DYM: variants seen among roughly 807,000 people sequenced by gnomAD.
DYM encodes dymeclin.
A neutral mutation model predicts 93.1 loss-of-function variants in DYM; 78 were observed. The observed-to-expected ratio is 0.84, with a 90% CI of 0.70 to 1.01. DYM has a LOEUF of 1.01. Among genes scored for constraint, DYM ranks in the 50% least tolerant of loss-of-function variants. DYM has a pLI of 0.00. For missense variants in DYM, 789 were observed against 845.0 expected, an observed-to-expected ratio of 0.93 and a Z score of 0.82; for synonymous variants, 321 against 319.7, an observed-to-expected ratio of 1.00 and a Z score of -0.04.
chr18:49,080,509 A>G (rs1394178847), intron 17 of DYM, among the ~76,000 whole-genome samples: 22 of 122,378 alleles, frequency 1.8e-4, no homozygotes, highest in East Asian at 2.6e-4. Flanking sequence ...GGCCGGGCAG[A>G]GGGGCTCCTC....
At chr18:49,164,142 C>T (rs188891723) in intron 14 of DYM, among the ~76,000 whole-genome samples, 76 of 152,246 alleles carry the variant, frequency 5.0e-4, no homozygotes, top group African/African-American at 1.7e-3. Context: ...GTCACTTGAG[C>T]TTGTGTATTT....
At chr18:49,400,257 C>A (rs1313666362) in intron 2 of DYM, among the ~76,000 whole-genome samples, 1 of 152,102 alleles carries the variant, frequency 6.6e-6, no homozygotes, top group Non-Finnish European at 1.5e-5. Context: ...ACATTTCTTT[C>A]TTTCCAAATA....
chr18:49,342,026 C>T (rs1044877247), intron 6 of DYM, among the ~76,000 whole-genome samples: 1 of 152,214 alleles, frequency 6.6e-6, no homozygotes, highest in East Asian at 1.9e-4. Context: ...CAGTACAGGT[C>T]TCACGAGCCT....
At chr18:49,357,725 A>G (rs1171189606) in intron 6 of DYM, among the ~76,000 whole-genome samples, 1 of 152,268 alleles carries the variant, frequency 6.6e-6, no homozygotes, top group African/African-American at 2.4e-5. Flanking sequence ...AATATCATGG[A>G]TGCAGCAGCA....
In DYM at chr18:49,044,034, G is replaced by C; in HGVS notation, c.*21C>G. ...AAGGGCTGCTTGGCTGGAGGGGTCC[G>C]GGTGGGAGAGCATCCTGCCCTCAGT... On this transcript the variant is annotated 3_prime_UTR_variant, in exon 18 of 18. Coordinates refer to ENST00000675505, the MANE Select transcript of DYM (RefSeq NM_001353214.3). The C allele has an allele frequency of 6.2e-7, 1 of 1,612,470 alleles. No homozygotes were observed. The highest frequency in any genetic ancestry group is 8.5e-7 in the Non-Finnish European group (1 of 1,179,934).
intron 8 of DYM, among the ~76,000 whole-genome samples, chr18:49,323,365 A>G (rs1260795319): frequency 1.3e-5 from 2 of 152,190 alleles, no homozygotes; most frequent in East Asian, 3.9e-4. Flanking sequence ...AGCCTTCCAA[A>G]TTGAGAATTT....
intron 17 of DYM, among the ~76,000 whole-genome samples, chr18:49,096,825 C>T (rs547212401): frequency 3.3e-5 from 5 of 152,302 alleles, no homozygotes; most frequent in Non-Finnish European, 5.9e-5. Flanking sequence ...GTAAACAGTG[C>T]AGCAATTATG....
chr18:49,112,775 C>T (rs890793615), intron 16 of DYM, among the ~76,000 whole-genome samples: 7 of 152,150 alleles, frequency 4.6e-5, no homozygotes, highest in African/African-American at 1.7e-4. Context: ...CCATCTGCCC[C>T]TCATTATCAC....
intron 1 of DYM, among the ~76,000 whole-genome samples, chr18:49,443,172 G>GA (rs1244154697): frequency 1.3e-5 from 2 of 151,902 alleles, no homozygotes; most frequent in Admixed American, 6.6e-5. Flanking sequence ...TTAAATCGTT[G>GA]AAAAAAATCA....
intron 15 of DYM, among the ~76,000 whole-genome samples, chr18:49,130,459 C>T (rs1366733498): frequency 1.3e-5 from 2 of 152,210 alleles, no homozygotes; most frequent in East Asian, 1.9e-4. Flanking sequence ...AAATGAGACA[C>T]CTGAGTCCAT....
intron 15 of DYM, among the ~76,000 whole-genome samples, chr18:49,151,269 C>T (rs200724381): frequency 6.6e-6 from 1 of 152,150 alleles, no homozygotes; most frequent in Admixed American, 6.5e-5. Flanking sequence ...CTCAAATACT[C>T]CTGTTAAGGA....
At chr18:49,381,292 A>T (rs994778725) in intron 3 of DYM, among the ~76,000 whole-genome samples, 3 of 152,296 alleles carry the variant, frequency 2.0e-5, no homozygotes, top group Admixed American at 6.5e-5. Context: ...AGGCCCATAC[A>T]TATATATTTT....
intron 17 of DYM, among the ~76,000 whole-genome samples, chr18:49,087,230 G>A (rs1241717901): frequency 2.0e-5 from 3 of 152,058 alleles, no homozygotes; most frequent in African/African-American, 7.2e-5. Context: ...ATAGCAGCCT[G>A]AACAAACTAA....
At chr18:49,327,909 C>T (rs1371933565) in intron 8 of DYM, among the ~76,000 whole-genome samples, 1 of 152,128 alleles carries the variant, frequency 6.6e-6, no homozygotes, top group Non-Finnish European at 1.5e-5. Flanking sequence ...CTGCAGGGGA[C>T]ACCCACACAA....
rs72642444 is a variant in DYM at position 49,125,796 on chromosome 18, A to G, written c.1729-6870T>C. Among the ~76,000 whole-genome samples, 510 of 152,344 alleles carry G rather than the reference A, an allele frequency of 3.3e-3. 27 individuals are homozygous for G. The East Asian group carries it at 0.082, about 24-fold the overall frequency. On this transcript the variant is annotated intron_variant, in intron 15 of 17. Transcript: ENST00000675505. ...CATCCTTGAATACAGAACACTTTTGAAAGGCTCCTCATTCTTTCTATGCAG... is the reference window on the plus strand; with the variant it reads ...CATCCTTGAATACAGAACACTTTTGGAAGGCTCCTCATTCTTTCTATGCAG...
intron 10 of DYM, among the ~76,000 whole-genome samples, chr18:49,275,019 T>C (rs1205336458): frequency 6.6e-6 from 1 of 152,182 alleles, no homozygotes; most frequent in Non-Finnish European, 1.5e-5. Context: ...TCATTGCTCA[T>C]GCTTTTGTTG....
intron 5 of DYM, among the ~76,000 whole-genome samples, chr18:49,369,130 A>G (rs558016612): frequency 2.0e-5 from 3 of 152,330 alleles, no homozygotes; most frequent in East Asian, 3.9e-4. Context: ...CATTTTCTCT[A>G]TAAGAGTATC....
intron 17 of DYM, among the ~76,000 whole-genome samples, chr18:49,080,807 T>G (rs1194297173): frequency 6.3e-5 from 7 of 111,592 alleles, no homozygotes; most frequent in African/African-American, 1.1e-4. Flanking sequence ...GGGCGGAGGG[T>G]CTCCTCACTT....
chr18:49,250,951 C>T (rs1325505489), intron 13 of DYM, among the ~76,000 whole-genome samples: 1 of 152,238 alleles, frequency 6.6e-6, no homozygotes, highest in African/African-American at 2.4e-5. Flanking sequence ...CTTGACACTA[C>T]TGCCATTCTG....
Sources: allele counts gnomAD v4.1 joint callset (sites outside exome capture counted in the v4.1 genomes callset), GRCh38; gene constraint gnomAD v4.1.1; transcripts MANE v1.5; gene names NCBI Gene and HGNC (gene_info 2026-07-23, HGNC 2026-07-21).